LRRFIP2: variants seen among roughly 807,000 people sequenced by gnomAD.
LRRFIP2 encodes the protein leucine-rich repeat flightless-interacting protein 2.
In LRRFIP2, 109 loss-of-function variants were observed where a neutral mutation model predicts 125.9. The observed-to-expected ratio is 0.87, with a 90% CI of 0.74 to 1.01. The LOEUF is 1.01. Among genes scored for constraint, LRRFIP2 ranks in the 50% least tolerant of loss-of-function variants. The probability of loss-of-function intolerance (pLI) is 0.00; values close to 1 mark genes in which losing one functional copy is unlikely to be tolerated. For synonymous variants in LRRFIP2, 291 were observed against 293.1 expected (o/e 0.99, Z 0.07); for missense variants, 850 against 862.3 (o/e 0.99, Z 0.18).
At chr3:37,092,455 C>A (rs1195082732) in intron 17 of LRRFIP2, among the ~76,000 whole-genome samples, 1 of 152,160 alleles carries the variant, frequency 6.6e-6, no homozygotes, top group African/African-American at 2.4e-5. Flanking sequence ...TATGAAGGAC[C>A]TATTTAGGAG....
chr3:37,056,154 C>T (rs1199694052), intron 25 of LRRFIP2, among the ~76,000 whole-genome samples: 1 of 152,040 alleles, frequency 6.6e-6, no homozygotes, highest in Non-Finnish European at 1.5e-5. Context: ...AAATGCTGTT[C>T]AGTAATGTGA....
rs2095036520 is a variant in LRRFIP2 at position 37,121,495 on chromosome 3, G to C, written c.327C>G (p.His109Gln). Residue 109 changes from histidine to glutamine, a missense_variant, in exon 6 of 28, where the codon CAC (histidine) becomes CAG (glutamine). Coordinates refer to ENST00000336686, the MANE Select transcript of LRRFIP2 (RefSeq NM_006309.4). ...DALSIRSVGS[H>Q]RYDMFKDRSS... The stretch of plus-strand genomic sequence containing the variant: ...GTAGACAAGTTAAAATACCAACCCT[G>C]TGACTGCCAACACTTCGAATGGACA... The C allele has an allele frequency of 6.2e-7, 1 of 1,613,680 alleles. No homozygotes were observed. The highest frequency in any genetic ancestry group is 1.3e-5 in the African/African-American group (1 of 74,906).
chr3:37,117,023 T>C (rs943602463), intron 6 of LRRFIP2, among the ~76,000 whole-genome samples: 1 of 151,818 alleles, frequency 6.6e-6, no homozygotes, highest in East Asian at 1.9e-4. Context: ...ATTTAAACTG[T>C]GTAGTAGTAA....
chr3:37,103,079 A>T, intron 14 of LRRFIP2, 66 bp from the exon 15 acceptor site: 1 of 1,259,388 alleles, frequency 7.9e-7, no homozygotes. Flanking sequence ...AAATAAGAAC[A>T]TTGGCCAATT....
rs1414994569 is a variant in LRRFIP2, at chr3:37,075,085, A to G, written c.1310T>C (p.Val437Ala). 1 of 1,612,454 alleles carries G rather than the reference A, an allele frequency of 6.2e-7. No homozygotes were observed. The highest frequency in any genetic ancestry group is 1.3e-5 in the African/African-American group (1 of 74,906). Residue 437 changes from valine (V) to alanine (A), a missense_variant, in exon 20 of 28, where the codon GTG (valine) becomes GCG (alanine). Transcript: ENST00000336686. ...AAGTTCTTCCATCTTATGCTGCAGC[A>G]CACTACACATATGTTTCTGCCTTTC... is the stretch of plus-strand genomic sequence containing the variant. ...ELERQKHMCS[V>A]LQHKMEELKE...
intron 1 of LRRFIP2, among the ~76,000 whole-genome samples, chr3:37,160,985 T>A (rs1183977408): frequency 6.6e-6 from 1 of 151,774 alleles, no homozygotes; most frequent in Non-Finnish European, 1.5e-5. Context: ...CCAATGTCCA[T>A]CAGCTGATGA....
At chr3:37,122,731 G>A (rs763647766) in intron 4 of LRRFIP2, among the ~76,000 whole-genome samples, 3 of 151,950 alleles carry the variant, frequency 2.0e-5, no homozygotes, top group Admixed American at 6.6e-5. Flanking sequence ...AAGTTATCTC[G>A]AATAATGCCA....
At chr3:37,086,860 CTT>C (rs776371127) in intron 18 of LRRFIP2, among the ~76,000 whole-genome samples, 85 of 145,000 alleles carry the variant, frequency 5.9e-4, no homozygotes, top group African/African-American at 1.9e-3. Flanking sequence ...CATACACACA[CTT>C]TTTTTTTTTT....
chr3:37,111,313 A>C (rs1240431030), intron 8 of LRRFIP2, among the ~76,000 whole-genome samples: 3 of 152,242 alleles, frequency 2.0e-5, no homozygotes, highest in Non-Finnish European at 4.4e-5. Context: ...AAATGGAATG[A>C]AAACAATTTA....
At chr3:37,072,501 C>CAAAAAAAA (rs907848276) in intron 21 of LRRFIP2, among the ~76,000 whole-genome samples, 3 of 34,468 alleles carry the variant, frequency 8.7e-5, no homozygotes, top group Non-Finnish European at 1.5e-4. Context: ...GACTCCGTCT[C>CAAAAAAAA]AAAAAAAAAA....
chr3:37,157,921 TA>T (rs2096244350), intron 1 of LRRFIP2, among the ~76,000 whole-genome samples: 1 of 152,230 alleles, frequency 6.6e-6, no homozygotes, highest in Admixed American at 6.5e-5. Flanking sequence ...TTATCAAAAA[TA>T]TTTTTAAAGT....
At chr3:37,105,337 T>C (rs2094264761) in intron 14 of LRRFIP2, 118 bp downstream of exon 14, 1 of 799,676 alleles carries the variant, frequency 1.3e-6, no homozygotes, top group South Asian at 1.6e-5. Context: ...TATAACTAAA[T>C]TTGAGGAAAA....
chr3:37,105,629 T>A, intron 13 of LRRFIP2, 106 bp from the exon 14 acceptor site: 2 of 751,600 alleles, frequency 2.7e-6, no homozygotes, highest in Non-Finnish European at 4.7e-6. Context: ...AATAACTATA[T>A]AAGCAGCATA....
chr3:37,143,589 G>T, intron 2 of LRRFIP2: 1 of 238,334 alleles, frequency 4.2e-6, no homozygotes, highest in Admixed American at 4.9e-5. Flanking sequence ...ACATTCAGTG[G>T]ATCGTCAAAA....
Position 37,121,631 on chromosome 3 carries a change from A to T in LRRFIP2, c.285+4T>A. The T allele has an allele frequency of 6.2e-7, 1 of 1,614,202 alleles. No individual in the cohort carries two copies. Among genetic ancestry groups the T allele is most frequent in the East Asian group, 2.2e-5 (1 of 44,878 alleles). ...TAGAGGCAAGTGTATAGGTTATTAC[A>T]AACCAGATAAGGACGATGGTGACTG... is the stretch of plus-strand genomic sequence containing the variant. On this transcript the variant is annotated splice_donor_region_variant and intron_variant, in intron 5 of 27. Coordinates refer to ENST00000336686, the MANE Select transcript of LRRFIP2 (RefSeq NM_006309.4).
At chr3:37,117,109 AT>A (rs1428053927) in intron 6 of LRRFIP2, among the ~76,000 whole-genome samples, 3 of 151,724 alleles carry the variant, frequency 2.0e-5, no homozygotes, top group Non-Finnish European at 4.4e-5. Context: ...ATTAAAAAAA[AT>A]CTAACCCTTT....
intron 1 of LRRFIP2, among the ~76,000 whole-genome samples, chr3:37,153,718 A>G (rs1446280295): frequency 6.6e-6 from 1 of 152,208 alleles, no homozygotes; most frequent in Non-Finnish European, 1.5e-5. Context: ...GACAGCCCTG[A>G]GAAAGAGATG....
At chr3:37,145,311 T>C (rs2095828895) in intron 2 of LRRFIP2, among the ~76,000 whole-genome samples, 1 of 152,206 alleles carries the variant, frequency 6.6e-6, no homozygotes, top group Non-Finnish European at 1.5e-5. Flanking sequence ...TCTTTTGGAA[T>C]GAGAGAGGAC....
At chr3:37,084,435 G>C (rs913923311) in intron 18 of LRRFIP2, among the ~76,000 whole-genome samples, 1 of 152,102 alleles carries the variant, frequency 6.6e-6, no homozygotes, top group Non-Finnish European at 1.5e-5. Flanking sequence ...GGCCAAGGGG[G>C]TAGACTGCTT....
Sources: gnomAD v4.1 joint callset for allele counts (sites outside exome capture counted in the v4.1 genomes callset) on GRCh38, gnomAD v4.1.1 for gene constraint, MANE v1.5 for transcripts, NCBI Gene and HGNC (gene_info 2026-07-23, HGNC 2026-07-21) for gene names.